The following GSE1 variants were observed in gnomAD, a reference collection of about 807,000 sequenced individuals.
The protein encoded by GSE1 is genetic suppressor element 1.
In GSE1, 32 loss-of-function variants were observed where a neutral mutation model predicts 112.6. The observed-to-expected ratio is 0.28, with a 90% CI of 0.21 to 0.38. The LOEUF is 0.38. GSE1 is among the 10% of genes least tolerant of loss of function. The pLI, the probability that GSE1 is intolerant of heterozygous loss-of-function variation, is 1.00. For synonymous variants in GSE1, 1,115 were observed against 735.6 expected, an observed-to-expected ratio of 1.52 and a Z score of -8.35; for missense variants, 2,348 against 1,699.2, an observed-to-expected ratio of 1.38 and a Z score of -6.71.
intron 2 of GSE1, among the ~76,000 whole-genome samples, chr16:85,534,806 G>C (rs769834560): frequency 4.6e-5 from 7 of 152,160 alleles, no homozygotes; most frequent in Non-Finnish European, 8.8e-5. Context: ...TGTGACGTCC[G>C]TCAGCGTTGC....
chr16:85,400,848 G>C (rs1202464953), intron 2 of GSE1, among the ~76,000 whole-genome samples: 1 of 151,754 alleles, frequency 6.6e-6, no homozygotes, highest in Non-Finnish European at 1.5e-5. Flanking sequence ...TGGTGTGTGT[G>C]TCTCTGGGTC....
At chr16:85,262,730 C>G (rs966826317) in intron 1 of GSE1, among the ~76,000 whole-genome samples, 2 of 152,202 alleles carry the variant, frequency 1.3e-5, no homozygotes, top group African/African-American at 4.8e-5. Context: ...CTGATCCTCC[C>G]CACAGCCCAG....
chr16:85,422,109 A>G (rs2048858807), intron 2 of GSE1, among the ~76,000 whole-genome samples: 1 of 152,076 alleles, frequency 6.6e-6, no homozygotes, highest in Admixed American at 6.5e-5. Flanking sequence ...GCCATCATCG[A>G]ACCCCCATGT....
At chr16:85,632,343 G>T (rs574474204) in intron 1 of GSE1, among the ~76,000 whole-genome samples, 1 of 152,064 alleles carries the variant, frequency 6.6e-6, no homozygotes, top group Non-Finnish European at 1.5e-5. Context: ...CCGCCTCTCT[G>T]TTCTCTCATT....
At chr16:85,466,904 A>G (rs1372035138) in intron 2 of GSE1, among the ~76,000 whole-genome samples, 1 of 152,154 alleles carries the variant, frequency 6.6e-6, no homozygotes, top group Non-Finnish European at 1.5e-5. Flanking sequence ...TACTGAAAAT[A>G]TAAAAATTAG....
chr16:85,484,066 G>A (rs911594686), intron 2 of GSE1, among the ~76,000 whole-genome samples: 3 of 152,210 alleles, frequency 2.0e-5, no homozygotes, highest in Non-Finnish European at 4.4e-5. Flanking sequence ...CCTCAGATTC[G>A]CGGTAGGATG....
rs980605295 is a variant in GSE1 at position 85,451,962 on chromosome 16, C to T, written c.2464+94319C>T. Among the ~76,000 whole-genome samples, 3 of 152,282 alleles carry T rather than the reference C, an allele frequency of 2.0e-5. No homozygotes were observed. The East Asian group carries it at 5.8e-4, about 29-fold the overall frequency. On this transcript the variant is annotated intron_variant, in intron 2 of 2. Coordinates refer to the GSE1 transcript ENST00000637419. ...CACCCAAGAGGCCCGTCTCTGCCTG[C>T]CTCCCCCCCTCACCGAGTTTCTGGT...
rs115786682 is a variant in GSE1, at chr16:85,200,622, G to A, written c.2283+28815G>A. ...GGGCCCTGCTGACGCAGCATTCACT[G>A]ACAATGAATCACCCCAAGAGGACAT... On this transcript the variant is annotated intron_variant, in intron 1 of 2. Transcript: ENST00000637419. Among the ~76,000 whole-genome samples the A allele has an allele frequency of 9.0e-3, 1,367 of 152,236 alleles. 21 individuals carry two copies. Among genetic ancestry groups the A allele is most frequent in the African/African-American group, 0.031 (1,307 of 41,544 alleles).
chr16:85,352,207 C>G (rs1187246235), intron 1 of GSE1, among the ~76,000 whole-genome samples: 2 of 152,190 alleles, frequency 1.3e-5, no homozygotes, highest in African/African-American at 4.8e-5. Flanking sequence ...CTCCAGAAAG[C>G]ACTCCAGCTC....
intron 1 of GSE1, among the ~76,000 whole-genome samples, chr16:85,216,004 C>T (rs1040869368): frequency 6.6e-6 from 1 of 152,192 alleles, no homozygotes; most frequent in East Asian, 1.9e-4. Flanking sequence ...GACACGTGTT[C>T]CCTTCAGCCC....
Position 85,408,024 on chromosome 16 carries a change from A to T in GSE1, c.2464+50381A>T, listed in dbSNP as rs561190017. ...CCCCCTGGATAATCCTCACTGTTAC[A>T]CTCAGGGCCCCCCTGGATAATCCTG... On this transcript the variant is annotated intron_variant, in intron 2 of 2. Coordinates refer to the GSE1 transcript ENST00000637419. Among the ~76,000 whole-genome samples, 19 of 46,720 alleles carry T rather than the reference A, an allele frequency of 4.1e-4. 3 individuals carry two copies. Among genetic ancestry groups the T allele is most frequent in the East Asian group, 3.6e-3 (4 of 1,110 alleles). 30.7% of individuals were successfully genotyped at this position (46,720 alleles called of 152,430 possible).
At chr16:85,624,574 C>T (rs536647132) in intron 1 of GSE1, among the ~76,000 whole-genome samples, 2 of 152,364 alleles carry the variant, frequency 1.3e-5, no homozygotes, top group African/African-American at 4.8e-5. Flanking sequence ...CATTTCCAAT[C>T]TCTTCGCACA....
At chr16:85,171,566 C>T in exon 1 of GSE1, 4 of 985,560 alleles carry the variant, frequency 4.1e-6, no homozygotes, top group Non-Finnish European at 4.8e-6. Context: ...CAGGTGGAGA[C>T]GTTCGTGTGC....
intron 1 of GSE1, among the ~76,000 whole-genome samples, chr16:85,202,005 A>C (rs34570705): frequency 0.046 from 6,945 of 152,322 alleles, 245 homozygotes; most frequent in South Asian, 0.21. Flanking sequence ...AAGAGTTTTT[A>C]AAAGTGAGTT....
At chr16:85,293,045 C>T (rs1210019138) in intron 1 of GSE1, among the ~76,000 whole-genome samples, 1 of 152,176 alleles carries the variant, frequency 6.6e-6, no homozygotes, top group East Asian at 1.9e-4. Flanking sequence ...CCATCACCAC[C>T]GCCACCGTGT....
At position 85,654,870 on chromosome 16, in the gene GSE1, C is replaced by G; in HGVS notation, c.676C>G (p.His226Asp). Reference protein sequence around the residue: ...EDYLRSFRPYHTTDDLRMSSL... With the variant: ...EDYLRSFRPYDTTDDLRMSSL... Reference sequence around the variant, plus strand: ...CTACCTGAGAAGCTTCCGGCCCTACCACACCACCGACGACCTCCGCATGTC... The same window carrying G: ...CTACCTGAGAAGCTTCCGGCCCTACGACACCACCGACGACCTCCGCATGTC... The change falls in exon 5 of 16, where the codon CAC (histidine) becomes GAC (aspartate). Residue 226 changes from histidine (H) to aspartate (D), a missense_variant. Transcript: ENST00000253458. The G allele has an allele frequency of 6.2e-7, 1 of 1,611,836 alleles. No individual in the cohort carries two copies. The highest frequency in any genetic ancestry group is 8.5e-7 in the Non-Finnish European group (1 of 1,179,382).
intron 2 of GSE1, among the ~76,000 whole-genome samples, chr16:85,539,576 A>G (rs1347742019): frequency 1.3e-5 from 2 of 152,180 alleles, no homozygotes; most frequent in Admixed American, 1.3e-4. Context: ...TAAAGGATTC[A>G]GCTTTTTGCA....
chr16:85,649,641 C>A (rs74034013), intron 3 of GSE1, among the ~76,000 whole-genome samples: 4 of 152,150 alleles, frequency 2.6e-5, no homozygotes, highest in African/African-American at 9.7e-5. Flanking sequence ...CCCGGCCCCC[C>A]ACCCCTGGCG....
chr16:85,656,804 C>G lies in GSE1; in HGVS notation c.1312+139C>G, dbSNP rs2051998798. The G allele has an allele frequency of 2.4e-5, 30 of 1,234,250 alleles. No homozygotes were observed. In the South Asian group the frequency reaches 4.6e-4, roughly 19 times the overall value. The allele number at this position is 1,234,250 out of a possible 1,614,324, so 76.5% of individuals were successfully genotyped here. ...GCCCTAAAAGCGTGGTGTGGCTGAA[C>G]ATGGAGTAGGGAGCAGAGGCACGTT... On this transcript the variant is annotated intron_variant, in intron 7 of 15. Coordinates refer to ENST00000253458, the MANE Select transcript of GSE1 (RefSeq NM_014615.5).
Sources: gnomAD v4.1 joint callset for allele counts (sites outside exome capture counted in the v4.1 genomes callset) on GRCh38, gnomAD v4.1.1 for gene constraint, MANE v1.5 for transcripts, NCBI Gene and HGNC (gene_info 2026-07-23, HGNC 2026-07-21) for gene names.